Variants in TJP1 observed in about 807,000 individuals in gnomAD.
TJP1 encodes tight junction protein 1, also known as tight junction protein ZO-1.
A neutral mutation model predicts 194.2 loss-of-function variants in TJP1; 43 were observed. The observed-to-expected ratio is 0.22, with a 90% confidence interval of 0.17 to 0.29. The LOEUF is 0.29. TJP1 is among the 10% of genes least tolerant of loss of function. The probability of loss-of-function intolerance (pLI) is 1.00; values close to 1 mark genes in which losing one functional copy is unlikely to be tolerated. For synonymous variants in TJP1, 801 were observed against 779.0 expected (o/e 1.03, Z -0.47); for missense variants, 1,971 against 2,185.7 (o/e 0.90, Z 1.96).
chr15:29,930,598 T>C (rs1016743611), intron 2 of TJP1, among the ~76,000 whole-genome samples: 1 of 146,856 alleles, frequency 6.8e-6, no homozygotes. Context: ...AAAGACTACC[T>C]ACAAAAACAT....
At chr15:29,723,372 A>C (rs911312338) in intron 18 of TJP1, among the ~76,000 whole-genome samples, 2 of 152,080 alleles carry the variant, frequency 1.3e-5, no homozygotes, top group Non-Finnish European at 2.9e-5. Flanking sequence ...TGTCTGTTTA[A>C]AAGTGTGTAG....
At chr15:29,898,271 CTT>C (rs2053537481) in intron 2 of TJP1, among the ~76,000 whole-genome samples, 2 of 152,172 alleles carry the variant, frequency 1.3e-5, no homozygotes, top group Admixed American at 1.3e-4. Flanking sequence ...CACAAGCTCT[CTT>C]CTCTTGTCTG....
chr15:29,774,078 G>A (rs911939925), intron 2 of TJP1, among the ~76,000 whole-genome samples: 3 of 152,100 alleles, frequency 2.0e-5, no homozygotes, highest in Non-Finnish European at 4.4e-5. Context: ...CCCTAGAAAG[G>A]ATATGAAGTA....
chr15:29,784,976 T>C (rs1260606419), intron 2 of TJP1, among the ~76,000 whole-genome samples: 1 of 152,230 alleles, frequency 6.6e-6, no homozygotes, highest in Non-Finnish European at 1.5e-5. Context: ...TAATATGCTC[T>C]CTGTATTAGA....
chr15:29,757,671 C>CA (rs1206247092), intron 8 of TJP1, among the ~76,000 whole-genome samples: 1 of 152,120 alleles, frequency 6.6e-6, no homozygotes, highest in Non-Finnish European at 1.5e-5. Flanking sequence ...ATTCTCACCA[C>CA]AAAAAATATG....
At chr15:29,781,351 A>C (rs932244524) in intron 2 of TJP1, among the ~76,000 whole-genome samples, 1 of 152,154 alleles carries the variant, frequency 6.6e-6, no homozygotes, top group South Asian at 2.1e-4. Context: ...ACTAAAAAAA[A>C]CCCCAGGACC....
chr15:29,760,103 T>C, intron 8 of TJP1: 1 of 620,848 alleles, frequency 1.6e-6, no homozygotes, highest in Non-Finnish European at 2.9e-6. Flanking sequence ...AGGGTTCCCT[T>C]TTCTTCTAAA....
intron 8 of TJP1, among the ~76,000 whole-genome samples, chr15:29,753,888 C>A (rs2045473326): frequency 6.7e-6 from 1 of 150,114 alleles, no homozygotes; most frequent in Non-Finnish European, 1.5e-5. Context: ...CGTAGTACTA[C>A]CAACACCATG....
intron 6 of TJP1, 117 bp downstream of exon 6, chr15:29,762,218 A>G (rs2046051520): frequency 2.6e-6 from 2 of 758,752 alleles, no homozygotes; most frequent in South Asian, 3.9e-5. Context: ...CTCTCCCCCA[A>G]ACACTGATTT....
In TJP1 at chr15:29,925,572, G is replaced by T. The variant is rs141830140; in HGVS notation, c.306+30660C>A. ...TCTAAGCCGTGGCATTCACCAAGAGGCTGGGACATTATTCTTAGAAATACA... is the reference window on the plus strand; with the variant it reads ...TCTAAGCCGTGGCATTCACCAAGAGTCTGGGACATTATTCTTAGAAATACA... On this transcript the variant is annotated intron_variant, in intron 2 of 28. Coordinates refer to the TJP1 transcript ENST00000356107. 1.7e-3 allele frequency among the ~76,000 whole-genome samples: 262 copies of T among 152,230 alleles called. 1 individual carries two copies. Among genetic ancestry groups the T allele is most frequent in the African/African-American group, 6.1e-3 (253 of 41,534 alleles).
chr15:29,868,786 T>C (rs984627922), intron 2 of TJP1, among the ~76,000 whole-genome samples: 2 of 152,254 alleles, frequency 1.3e-5, no homozygotes, highest in African/African-American at 4.8e-5. Context: ...CTAACAAAGT[T>C]TGCAAAACTT....
chr15:29,805,308 C>G (rs1476048368), intron 1 of TJP1, among the ~76,000 whole-genome samples: 1 of 152,218 alleles, frequency 6.6e-6, no homozygotes, highest in Admixed American at 6.5e-5. Flanking sequence ...GATCCCAGTT[C>G]TAGGCAGTTT....
chr15:29,924,588 A>G (rs1567201135), intron 2 of TJP1, among the ~76,000 whole-genome samples: 1 of 152,198 alleles, frequency 6.6e-6, no homozygotes, highest in Non-Finnish European at 1.5e-5. Flanking sequence ...ATACATTTCT[A>G]CAACAACATG....
At chr15:29,898,318 T>A (rs2053538683) in intron 2 of TJP1, among the ~76,000 whole-genome samples, 1 of 152,196 alleles carries the variant, frequency 6.6e-6, no homozygotes, top group Non-Finnish European at 1.5e-5. Flanking sequence ...CTTTCCATCA[T>A]GATTGTGAGG....
chr15:29,878,049 T>C (rs2052774786), intron 2 of TJP1, among the ~76,000 whole-genome samples: 1 of 151,094 alleles, frequency 6.6e-6, no homozygotes, highest in Admixed American at 6.6e-5. Context: ...TAGTTTTTGT[T>C]TGTTTGTTTG....
At chr15:29,864,257 A>AC (rs1389606786) in intron 2 of TJP1, among the ~76,000 whole-genome samples, 3 of 148,608 alleles carry the variant, frequency 2.0e-5, no homozygotes, top group South Asian at 2.1e-4. Context: ...AAAAAAAAAA[A>AC]AAAAAAAGCT....
chr15:29,749,070 T>C lies in TJP1; in HGVS notation c.1011-6289A>G, dbSNP rs149886858. On this transcript the variant is annotated intron_variant, in intron 8 of 27. Transcript: ENST00000614355. Reference sequence around the variant, plus strand: ...GCTCCTGGTAGCCTAGAAGGAAACTTTGGGCATTTTAAGGTACCTCAAGAT... The same window carrying C: ...GCTCCTGGTAGCCTAGAAGGAAACTCTGGGCATTTTAAGGTACCTCAAGAT... Among the ~76,000 whole-genome samples the C allele has an allele frequency of 8.1e-4, 123 of 152,210 alleles. 1 individual carries two copies. The East Asian group carries it at 0.021, about 26-fold the overall frequency.
intron 2 of TJP1, among the ~76,000 whole-genome samples, chr15:29,845,576 C>T (rs758995763): frequency 6.6e-6 from 1 of 152,024 alleles, no homozygotes; most frequent in Non-Finnish European, 1.5e-5. Context: ...GAGGCAGAGG[C>T]GGGCAGATCA....
At chr15:29,764,855 G>C (rs2046233358) in intron 5 of TJP1, among the ~76,000 whole-genome samples, 2 of 152,158 alleles carry the variant, frequency 1.3e-5, no homozygotes, top group South Asian at 4.2e-4. Flanking sequence ...AAAGATTTGG[G>C]CTGGAGAAAG....
Sources: allele counts gnomAD v4.1 joint callset (sites outside exome capture counted in the v4.1 genomes callset), GRCh38; gene constraint gnomAD v4.1.1; transcripts MANE v1.5; gene names NCBI Gene and HGNC (gene_info 2026-07-23, HGNC 2026-07-21).